The following GTF3A variants were observed in gnomAD, a reference collection of about 807,000 sequenced individuals.
GTF3A encodes general transcription factor IIIA.
GTF3A carries 40 observed loss-of-function variants against 37.6 expected under a neutral mutation model. The observed-to-expected ratio is 1.06, with a 90% CI of 0.83 to 1.38. The LOEUF (loss-of-function observed/expected upper bound fraction) is 1.38. GTF3A is among the 40% of genes most tolerant of loss of function. GTF3A has a pLI of 0.00. For missense variants in GTF3A, 500 were observed against 462.6 expected (o/e 1.08, Z -0.74); for synonymous variants, 191 against 166.7 (o/e 1.15, Z -1.12).
intron 2 of GTF3A, among the ~76,000 whole-genome samples, chr13:27,429,018 T>G (rs944249923): frequency 2.0e-5 from 3 of 152,024 alleles, no homozygotes; most frequent in Admixed American, 6.6e-5. Context: ...GAGTGCACTT[T>G]CTGTCGGCCA....
intron 2 of GTF3A, among the ~76,000 whole-genome samples, chr13:27,428,790 G>A (rs1263658907): frequency 6.6e-6 from 1 of 152,216 alleles, no homozygotes; most frequent in Non-Finnish European, 1.5e-5. Context: ...ACAGAGGCAG[G>A]AGCTCTGGAG....
In GTF3A at chr13:27,424,669, C is replaced by G; in HGVS notation, c.-69C>G. The G allele has an allele frequency of 1.7e-6, 2 of 1,181,536 alleles. No individual in the cohort carries two copies. The highest frequency in any genetic ancestry group is 2.2e-6 in the Non-Finnish European group (2 of 905,792). 73.2% of individuals were successfully genotyped at this position (1,181,536 alleles called of 1,614,324 possible). Reference sequence around the variant, plus strand: ...TCAGCAGGGAGCCGTGGGCCGGGCGCGCCGGTTCCCGGCACGTGTCTCGGC... The same window carrying G: ...TCAGCAGGGAGCCGTGGGCCGGGCGGGCCGGTTCCCGGCACGTGTCTCGGC... On this transcript the variant is annotated 5_prime_UTR_variant, in exon 1 of 9. Coordinates refer to ENST00000381140, the MANE Select transcript of GTF3A (RefSeq NM_002097.3).
rs1566078953 is a variant in GTF3A, at chr13:27,435,746, C to CT, written c.*151dup. On this transcript the variant is annotated 3_prime_UTR_variant, in exon 9 of 9. Transcript: ENST00000381140. ...TTCAAAGTGTCTCTTTCCTGGGTCT[C>CT]TTGAGTTTCTTTATATGCCTTCTCC... 6.2e-7 allele frequency: 1 copy of CT among 1,614,120 alleles called. No homozygotes were observed. Among genetic ancestry groups the CT allele is most frequent in the Non-Finnish European group, 8.5e-7 (1 of 1,179,986 alleles).
chr13:27,434,703 T>C, intron 6 of GTF3A, 102 bp from the exon 7 acceptor site: 2 of 646,434 alleles, frequency 3.1e-6, no homozygotes, highest in South Asian at 4.0e-5. Context: ...TATATAGTGA[T>C]CAGGTTTCAG....
chr13:27,435,659 C>T lies in GTF3A; in HGVS notation c.*62C>T, dbSNP rs1953710926. On this transcript the variant is annotated 3_prime_UTR_variant, in exon 9 of 9. Coordinates refer to ENST00000381140, the MANE Select transcript of GTF3A (RefSeq NM_002097.3). ...GGAGCGAGCTTTCTCTCAGAGCATG[C>T]TTTTCTTTATTAAAATTACTGATGC... 3 of 1,612,742 alleles carry T rather than the reference C, an allele frequency of 1.9e-6. No homozygotes were observed. The East Asian group carries it at 6.7e-5, about 36-fold the overall frequency.
rs1454720743 is a variant in GTF3A at position 27,434,846 on chromosome 13, A to T, written c.685A>T (p.Lys229Ter). 3 of 1,613,024 alleles carry T rather than the reference A, an allele frequency of 1.9e-6. No homozygotes were observed. The highest frequency in any genetic ancestry group is 2.5e-6 in the Non-Finnish European group (3 of 1,179,274). Residue 229 changes from lysine to a stop codon, truncating the protein, a stop_gained, in exon 7 of 9, where the codon AAA (lysine) becomes TAA (stop). Transcript: ENST00000381140. LOFTEE classifies it high-confidence loss of function. Reference sequence around the variant, plus strand: ...AGTATGCCGGAAAACATTTAAACGCAAAGATTACCTTAAGCAACACATGAA... The same window carrying T: ...AGTATGCCGGAAAACATTTAAACGCTAAGATTACCTTAAGCAACACATGAA...
chr13:27,429,613 G>T (rs1044296833), intron 2 of GTF3A, among the ~76,000 whole-genome samples: 24 of 152,156 alleles, frequency 1.6e-4, no homozygotes, highest in African/African-American at 5.6e-4. Context: ...CTTCCCATCT[G>T]CCCAGTGTGT....
At chr13:27,433,540 T>TG (rs1953678569) in intron 5 of GTF3A, among the ~76,000 whole-genome samples, 2 of 18,642 alleles carry the variant, frequency 1.1e-4, no homozygotes, top group African/African-American at 2.9e-4. Context: ...AAAAAAACTT[T>TG]TTTTTTTTTT....
chr13:27,430,549 G>A lies in GTF3A; in HGVS notation c.416G>A (p.Cys139Tyr). The change falls in exon 4 of 9, where the codon TGT (cysteine) becomes TAT (tyrosine). Residue 139 changes from cysteine (C) to tyrosine (Y), a missense_variant. Coordinates refer to ENST00000381140, the MANE Select transcript of GTF3A (RefSeq NM_002097.3). ...ATTTAACAGTGCAGTTTTGAAGACT[G>A]TAAGAAGACCTTTAAGAAACATCAG... 6.2e-7 allele frequency: 1 copy of A among 1,609,728 alleles called. No individual in the cohort carries two copies. The highest frequency in any genetic ancestry group is 8.5e-7 in the Non-Finnish European group (1 of 1,176,416).
intron 2 of GTF3A, among the ~76,000 whole-genome samples, chr13:27,427,669 G>A (rs1311431389): frequency 1.3e-5 from 2 of 152,126 alleles, no homozygotes; most frequent in Non-Finnish European, 2.9e-5. Context: ...AAAAAGCTAG[G>A]GGGTAGGGGG....
chr13:27,429,767 A>G (rs1032729574), intron 2 of GTF3A, 103 bp from the exon 3 acceptor site: 1 of 596,076 alleles, frequency 1.7e-6, no homozygotes, highest in Admixed American at 3.6e-5. Flanking sequence ...TAGTATTACT[A>G]TTCTTTGGAA....
chr13:27,430,302 G>A (rs1953645534), intron 3 of GTF3A, among the ~76,000 whole-genome samples: 1 of 152,188 alleles, frequency 6.6e-6, no homozygotes, highest in African/African-American at 2.4e-5. Context: ...AGCAGACATT[G>A]TGCAAATTAG....
At position 27,424,839 on chromosome 13, in the gene GTF3A, C is replaced by T. The variant is rs1458283543; in HGVS notation, c.102C>T (p.Pro34=). Reference sequence around the variant, plus strand: ...GCTCAGCTCCGACCCCGCCGCGCCCCGCGCTTCCCAGGAGGTTCATCTGCT... The same window carrying T: ...GCTCAGCTCCGACCCCGCCGCGCCCTGCGCTTCCCAGGAGGTTCATCTGCT... The change falls in exon 1 of 9, where the codon CCC becomes CCT. Residue 34 remains proline (P), a synonymous_variant. Transcript: ENST00000381140. 1 of 1,550,994 alleles carries T rather than the reference C, an allele frequency of 6.4e-7. No individual in the cohort carries two copies. The highest frequency in any genetic ancestry group is 2.4e-5 in the East Asian group (1 of 40,850).
intron 2 of GTF3A, among the ~76,000 whole-genome samples, chr13:27,427,907 T>G (rs1487207798): frequency 1.3e-5 from 2 of 152,074 alleles, no homozygotes; most frequent in Admixed American, 1.3e-4. Flanking sequence ...ACCCTGCCCC[T>G]CTTTAGCTGT....
At chr13:27,427,013 T>G (rs1593177475) in intron 1 of GTF3A, 79 bp from the exon 2 acceptor site, 2 of 759,094 alleles carry the variant, frequency 2.6e-6, no homozygotes, top group East Asian at 5.3e-5. Flanking sequence ...GCCTTAACAC[T>G]AGGCAGTTTA....
chr13:27,424,638 G>A lies in GTF3A; in HGVS notation c.-100G>A, dbSNP rs551122004. 1.3e-5 allele frequency: 11 copies of A among 817,188 alleles called. No homozygotes were observed. In the East Asian group the frequency reaches 3.4e-4, roughly 25 times the overall value. 50.6% of individuals were successfully genotyped at this position (817,188 alleles called of 1,614,324 possible). A position where few individuals can be genotyped will look rare whatever the true frequency, so the allele number is the denominator to read the frequency against. Reference sequence around the variant, plus strand: ...TCCCGGAAGTGTGCCGGCGTCGCGCGAAGGTTCAGCAGGGAGCCGTGGGCC... The same window carrying A: ...TCCCGGAAGTGTGCCGGCGTCGCGCAAAGGTTCAGCAGGGAGCCGTGGGCC... On this transcript the variant is annotated 5_prime_UTR_variant, in exon 1 of 9. Coordinates refer to ENST00000381140, the MANE Select transcript of GTF3A (RefSeq NM_002097.3).
At chr13:27,427,659 A>G (rs1177468587) in intron 2 of GTF3A, among the ~76,000 whole-genome samples, 1 of 152,130 alleles carries the variant, frequency 6.6e-6, no homozygotes, top group African/African-American at 2.4e-5. Flanking sequence ...TATGTGTGTA[A>G]AAAAGCTAGG....
Position 27,426,951 on chromosome 13 carries a change from G to C in GTF3A, c.202-141G>C, listed in dbSNP as rs184517295. 5.0e-5 allele frequency: 29 copies of C among 582,542 alleles called. No homozygotes were observed. In the Admixed American group the frequency reaches 8.1e-4, roughly 16 times the overall value. The allele number at this position is 582,542 out of a possible 1,614,324, so 36.1% of individuals were successfully genotyped here. A position where few individuals can be genotyped will look rare whatever the true frequency, so the allele number is the denominator to read the frequency against. On this transcript the variant is annotated intron_variant, in intron 1 of 8. Coordinates refer to ENST00000381140, the MANE Select transcript of GTF3A (RefSeq NM_002097.3). ...ACTTTGTGCAGGAACACTGCGTCTT[G>C]CAGTGGGTGCACAGCTCTGAGTAGA...
rs76896178 is a variant in GTF3A, at chr13:27,427,069, T to C, written c.202-23T>C. On this transcript the variant is annotated intron_variant, in intron 1 of 8. Coordinates refer to ENST00000381140, the MANE Select transcript of GTF3A (RefSeq NM_002097.3). ...GTTACTAACTAGTGCAGAAGTGACA[T>C]GCTTTTTCTTTTTTCCTGCTAGAGA... is the stretch of plus-strand genomic sequence containing the variant. 2.7e-3 allele frequency: 3,416 copies of C among 1,249,174 alleles called. 72 individuals carry two copies. The African/African-American group carries it at 0.044, about 16-fold the overall frequency. The allele number at this position is 1,249,174 out of a possible 1,614,324, so 77.4% of individuals were successfully genotyped here.
Sources: allele counts gnomAD v4.1 joint callset (sites outside exome capture counted in the v4.1 genomes callset), GRCh38; gene constraint gnomAD v4.1.1; transcripts MANE v1.5; gene names NCBI Gene and HGNC (gene_info 2026-07-23, HGNC 2026-07-21).